TMEM201: variants seen among roughly 807,000 people sequenced by gnomAD.
TMEM201 encodes the protein RP13-15M17.2.
In TMEM201, 26 loss-of-function variants were observed where a neutral mutation model predicts 63.4. That is an observed-to-expected ratio of 0.41 (90% confidence interval 0.30 to 0.57). The LOEUF (loss-of-function observed/expected upper bound fraction) is 0.57, where lower values mean the gene tolerates loss of function less well. TMEM201 is among the 20% of genes least tolerant of loss of function. TMEM201 has a pLI of 0.29. For synonymous variants in TMEM201, 417 were observed against 421.6 expected (o/e 0.99, Z 0.14); for missense variants, 794 against 917.7 (o/e 0.87, Z 1.74).
At chr1:9,592,991 C>T (rs1007337902) in intron 1 of TMEM201, among the ~76,000 whole-genome samples, 1 of 152,350 alleles carries the variant, frequency 6.6e-6, no homozygotes, top group South Asian at 2.1e-4. Flanking sequence ...GTCACGTTAC[C>T]TCAAACCTTG....
rs1382215946 is a variant in TMEM201 at position 9,605,990 on chromosome 1, G to A, written c.1161-1567G>A. Among the ~76,000 whole-genome samples, 3 of 152,136 alleles carry A rather than the reference G, an allele frequency of 2.0e-5. No homozygotes were observed. Among genetic ancestry groups the A allele is most frequent in the Admixed American group, 2.0e-4 (3 of 15,278 alleles). ...ATGTCTGTGCTGCCGGGCAGGGTGG[G>A]CACAGGAAGCCTAGCGCAGAGCCCT... On this transcript the variant is annotated intron_variant, in intron 6 of 10. Transcript: ENST00000340381. This position sits in a 1 kb window ranked among gnomAD's most constrained non-coding sequence, Gnocchi z 5.7.
rs868484116 is a variant in TMEM201, at chr1:9,610,754, C to T, written c.1714C>T (p.Pro572Ser). 24 of 1,549,118 alleles carry T rather than the reference C, an allele frequency of 1.5e-5. No individual in the cohort carries two copies. The African/African-American group carries it at 1.9e-4, about 12-fold the overall frequency. The change falls in exon 9 of 11, where the codon CCG becomes TCG. Residue 572 changes from proline (P) to serine (S), a missense_variant. Transcript: ENST00000340381. This position sits in a 1 kb window ranked among gnomAD's most constrained non-coding sequence, Gnocchi z 4.9. ...CAACGGCAGCCTCTTCACCATGGAGCCGCCCCATGTTCCCCGGAAGCCGCC... is the reference window on the plus strand; with the variant it reads ...CAACGGCAGCCTCTTCACCATGGAGTCGCCCCATGTTCCCCGGAAGCCGCC... ...PHNGSLFTME[P>S]PHVPRKPPLQ... is the part of the protein sequence containing the mutation.
At chr1:9,602,298 G>T (rs746327803) in intron 6 of TMEM201, 26 bp downstream of exon 6, 2 of 1,608,202 alleles carry the variant, frequency 1.2e-6, no homozygotes, top group South Asian at 1.1e-5. Flanking sequence ...ATGACTGCGG[G>T]GGGAGGACAC....
chr1:9,593,129 C>T (rs925374240), intron 1 of TMEM201, among the ~76,000 whole-genome samples: 1 of 152,220 alleles, frequency 6.6e-6, no homozygotes, highest in South Asian at 2.1e-4. Context: ...CAGGGTCCAG[C>T]CTAGGCTGGC....
At position 9,608,339 on chromosome 1, in the gene TMEM201, T is replaced by C. The variant is rs1340081759; in HGVS notation, c.1393+550T>C. Among the ~76,000 whole-genome samples, 1 of 152,204 alleles carries C rather than the reference T, an allele frequency of 6.6e-6. No individual in the cohort carries two copies. Among genetic ancestry groups the C allele is most frequent in the Non-Finnish European group, 1.5e-5 (1 of 68,032 alleles). On this transcript the variant is annotated intron_variant, in intron 7 of 10. Transcript: ENST00000340381. This position sits in a 1 kb window ranked among gnomAD's most constrained non-coding sequence, Gnocchi z 4.3. ...GGTGACATGACCTTGGGTAAATGTG[T>C]GCACCGTGCTGTGCCCTAATCTTTT...
At chr1:9,592,812 C>T (rs887137953) in intron 1 of TMEM201, among the ~76,000 whole-genome samples, 6 of 152,192 alleles carry the variant, frequency 3.9e-5, no homozygotes, top group African/African-American at 7.2e-5. Flanking sequence ...CCCAGGGGCT[C>T]GGCATCGAGC....
chr1:9,593,362 A>G (rs936798810), intron 1 of TMEM201, among the ~76,000 whole-genome samples: 1 of 152,138 alleles, frequency 6.6e-6, no homozygotes, highest in Non-Finnish European at 1.5e-5. Flanking sequence ...GGGACCTTTC[A>G]GGGCTCACCC....
rs1039006364 is a variant in TMEM201 at position 9,604,389 on chromosome 1, A to C, written c.1160+2117A>C. On this transcript the variant is annotated intron_variant, in intron 6 of 10. Coordinates refer to ENST00000340381, the MANE Select transcript of TMEM201 (RefSeq NM_001130924.3). The surrounding 1 kb of genome is among the most constrained non-coding windows in gnomAD (Gnocchi z 4.1). ...GAGTGAGGATTCCTGCCTTTCGTAGAGTTTTGTGTGACTTTTTAAATTATT... is the reference window on the plus strand; with the variant it reads ...GAGTGAGGATTCCTGCCTTTCGTAGCGTTTTGTGTGACTTTTTAAATTATT... 45 of 985,198 alleles carry C rather than the reference A, an allele frequency of 4.6e-5. No individual in the cohort carries two copies. The highest frequency in any genetic ancestry group is 6.2e-5 in the Admixed American group (1 of 16,260). The allele number at this position is 985,198 out of a possible 1,614,324, so 61.0% of individuals were successfully genotyped here. A position where few individuals can be genotyped will look rare whatever the true frequency, so the allele number is the denominator to read the frequency against.
intron 1 of TMEM201, among the ~76,000 whole-genome samples, chr1:9,589,766 C>T (rs1643889437): frequency 6.6e-6 from 1 of 152,240 alleles, no homozygotes; most frequent in Admixed American, 6.5e-5. Context: ...AGCAGAGCCT[C>T]GCAGGTAGCT....
intron 7 of TMEM201, among the ~76,000 whole-genome samples, chr1:9,609,596 A>C (rs994539801): frequency 1.3e-5 from 2 of 152,112 alleles, no homozygotes; most frequent in Non-Finnish European, 2.9e-5. Context: ...CAGCCTCCCA[A>C]AGTGCTGGGA....
At chr1:9,609,935 G>A (rs1408193732) in intron 8 of TMEM201, 24 bp downstream of exon 8, 2 of 1,549,918 alleles carry the variant, frequency 1.3e-6, no homozygotes, top group Non-Finnish European at 1.7e-6. Flanking sequence ...AGAGCTAAGT[G>A]GGGGACGGGG....
Position 9,602,147 on chromosome 1 carries a change from G to A in TMEM201, c.1035G>A (p.Gln345=). 1 of 1,613,084 alleles carries A rather than the reference G, an allele frequency of 6.2e-7. No homozygotes were observed. The highest frequency in any genetic ancestry group is 8.5e-7 in the Non-Finnish European group (1 of 1,180,014). The change falls in exon 6 of 11, where the codon CAG becomes CAA. Residue 345 remains glutamine, a synonymous_variant. Transcript: ENST00000340381. The part of the protein sequence containing the change: ...LGLHLAEQHL[Q]AASPSWLDTL... ...TGCACCTGGCTGAGCAGCACCTGCAGGCCGCCTCGCCTAGCTGGCTAGACA... is the reference window on the plus strand; with the variant it reads ...TGCACCTGGCTGAGCAGCACCTGCAAGCCGCCTCGCCTAGCTGGCTAGACA...
Position 9,613,449 on chromosome 1 carries a change from C to T in TMEM201, c.*366C>T. The T allele has an allele frequency of 3.4e-6, 1 of 297,550 alleles. No individual in the cohort carries two copies. The highest frequency in any genetic ancestry group is 6.4e-6 in the Non-Finnish European group (1 of 156,654). 18.4% of individuals were successfully genotyped at this position (297,550 alleles called of 1,614,324 possible). On this transcript the variant is annotated 3_prime_UTR_variant, in exon 11 of 11. Coordinates refer to ENST00000340381, the MANE Select transcript of TMEM201 (RefSeq NM_001130924.3). The stretch of plus-strand genomic sequence containing the variant: ...ACTACTGTAACTGCAGCAGGAGCTG[C>T]CCGGCCTGCCTTCTGGCCCCACGCC...
intron 10 of TMEM201, 42 bp from the exon 11 acceptor site, chr1:9,612,944 C>T: frequency 3.9e-6 from 6 of 1,528,324 alleles, no homozygotes; most frequent in Non-Finnish European, 5.3e-6. Context: ...ACAGCGAACC[C>T]ACCCACCCAA....
At chr1:9,591,473 C>T (rs968950028) in intron 1 of TMEM201, among the ~76,000 whole-genome samples, 1 of 152,256 alleles carries the variant, frequency 6.6e-6, no homozygotes, top group Admixed American at 6.5e-5. Context: ...CCCAGTTTCA[C>T]TTCCCTGTGT....
chr1:9,604,552 C>T lies in TMEM201; in HGVS notation c.1160+2280C>T. On this transcript the variant is annotated intron_variant, in intron 6 of 10. Coordinates refer to ENST00000340381, the MANE Select transcript of TMEM201 (RefSeq NM_001130924.3). This position sits in a 1 kb window ranked among gnomAD's most constrained non-coding sequence, Gnocchi z 4.1. ...GTCACCCCTGCCAGGGAACTCTTCTCCTCGCGGGGGACTTGGGATGGCCAT... is the reference window on the plus strand; with the variant it reads ...GTCACCCCTGCCAGGGAACTCTTCTTCTCGCGGGGGACTTGGGATGGCCAT... 2 of 985,468 alleles carry T rather than the reference C, an allele frequency of 2.0e-6. No homozygotes were observed. The highest frequency in any genetic ancestry group is 2.4e-6 in the Non-Finnish European group (2 of 829,950). The allele number at this position is 985,468 out of a possible 1,614,324, so 61.0% of individuals were successfully genotyped here. A position where few individuals can be genotyped will look rare whatever the true frequency, so the allele number is the denominator to read the frequency against.
chr1:9,599,323 C>T (rs950631620), intron 4 of TMEM201, among the ~76,000 whole-genome samples: 3 of 151,734 alleles, frequency 2.0e-5, no homozygotes. Flanking sequence ...TCTCGGCTCA[C>T]TGCAATCTCT....
rs1256008369 is a variant in TMEM201 at position 9,610,840 on chromosome 1, A to T, written c.1765+35A>T. ...TCTGACCACCCCAAGGGGCCGTGGG[A>T]GGGCCTCTGCTGCCAAGAGGCCTGG... is the stretch of plus-strand genomic sequence containing the variant. On this transcript the variant is annotated intron_variant, in intron 9 of 10. Transcript: ENST00000340381. The surrounding 1 kb of genome is among the most constrained non-coding windows in gnomAD (Gnocchi z 4.9). 1.3e-6 allele frequency: 2 copies of T among 1,508,430 alleles called. No homozygotes were observed. Among genetic ancestry groups the T allele is most frequent in the African/African-American group, 1.4e-5 (1 of 72,198 alleles). 93.4% of individuals were successfully genotyped at this position (1,508,430 alleles called of 1,614,324 possible).
intron 9 of TMEM201, chr1:9,611,144 G>GC (rs1472496728): frequency 2.8e-6 from 3 of 1,075,050 alleles, no homozygotes; most frequent in Non-Finnish European, 3.8e-6. Context: ...TTTATAGTTA[G>GC]CCCCCAGCCT....
Sources: allele counts gnomAD v4.1 joint callset (sites outside exome capture counted in the v4.1 genomes callset), GRCh38; gene constraint gnomAD v4.1.1; non-coding constraint Gnocchi (gnomAD v3.1); transcripts MANE v1.5; gene names NCBI Gene and HGNC (gene_info 2026-07-23, HGNC 2026-07-21).